The following LZTS1 variants were observed in gnomAD, a reference collection of about 807,000 sequenced individuals.
LZTS1 encodes the protein leucine zipper tumor suppressor 1, also known as leucine zipper putative tumor suppressor 1.
A neutral mutation model predicts 45.8 loss-of-function variants in LZTS1; 31 were observed. That is an observed-to-expected ratio of 0.68 (90% CI 0.51 to 0.91). The LOEUF (loss-of-function observed/expected upper bound fraction) is 0.91, where lower values mean the gene tolerates loss of function less well. LZTS1 is among the 40% of genes least tolerant of loss of function. The pLI is 0.00. For missense variants in LZTS1, 821 were observed against 788.9 expected, an observed-to-expected ratio of 1.04 and a Z score of -0.49; for synonymous variants, 359 against 357.3, an observed-to-expected ratio of 1.00 and a Z score of -0.05.
At chr8:20,256,800 G>A (rs1800113991) in intron 1 of LZTS1, among the ~76,000 whole-genome samples, 1 of 152,136 alleles carries the variant, frequency 6.6e-6, no homozygotes, top group Non-Finnish European at 1.5e-5. Flanking sequence ...AGGCAGGAGG[G>A]TGAGTGGGCA....
At chr8:20,300,200 C>A (rs1321434616) in intron 1 of LZTS1, among the ~76,000 whole-genome samples, 1 of 152,170 alleles carries the variant, frequency 6.6e-6, no homozygotes, top group Non-Finnish European at 1.5e-5. Context: ...CAAAGGGCAC[C>A]CATGCAGAAA....
intron 2 of LZTS1, 75 bp downstream of exon 2, chr8:20,254,762 C>T: frequency 7.8e-7 from 1 of 1,282,294 alleles, no homozygotes; most frequent in Non-Finnish European, 1.1e-6. Flanking sequence ...CCCCTGAACC[C>T]CCAGGCTCTC....
chr8:20,267,306 G>T (rs76206223), intron 1 of LZTS1, among the ~76,000 whole-genome samples: 1 of 151,928 alleles, frequency 6.6e-6, no homozygotes, highest in East Asian at 1.9e-4. Context: ...TCTCCATGTT[G>T]GGGGCTGGAT....
chr8:20,285,735 C>A (rs1800782153), intron 1 of LZTS1, among the ~76,000 whole-genome samples: 1 of 152,140 alleles, frequency 6.6e-6, no homozygotes, highest in African/African-American at 2.4e-5. Context: ...ATAACCAAGA[C>A]CATTTGGTGA....
In LZTS1 at chr8:20,255,213, G is replaced by C; in HGVS notation, c.-32C>G. Reference sequence around the variant, plus strand: ...TCGGGGCTGAGGATGGGGCAGGGCCGGGCAGGGTCTTGGAAAGGCTGTGGC... The same window carrying C: ...TCGGGGCTGAGGATGGGGCAGGGCCCGGCAGGGTCTTGGAAAGGCTGTGGC... On this transcript the variant is annotated 5_prime_UTR_variant, in exon 2 of 4. Coordinates refer to ENST00000381569, the MANE Select transcript of LZTS1 (RefSeq NM_021020.5). The C allele has an allele frequency of 6.3e-7, 1 of 1,586,454 alleles. No individual in the cohort carries two copies. The highest frequency in any genetic ancestry group is 8.6e-7 in the Non-Finnish European group (1 of 1,167,554).
intron 1 of LZTS1, among the ~76,000 whole-genome samples, chr8:20,291,196 C>T (rs76392058): frequency 0.024 from 3,690 of 152,308 alleles, 98 homozygotes; most frequent in East Asian, 0.11. Flanking sequence ...ATCAAGGTAC[C>T]AACGACTCCT....
chr8:20,303,535 G>A (rs1253475701), intron 1 of LZTS1, among the ~76,000 whole-genome samples: 1 of 151,422 alleles, frequency 6.6e-6, no homozygotes, highest in African/African-American at 2.4e-5. Flanking sequence ...CCGGGCCGGA[G>A]AAGCGGCGCC....
chr8:20,274,771 A>C (rs1032016013), intron 1 of LZTS1, among the ~76,000 whole-genome samples: 3 of 152,232 alleles, frequency 2.0e-5, no homozygotes, highest in Non-Finnish European at 4.4e-5. Flanking sequence ...GTGGGATGTC[A>C]GTGCTAAATC....
In LZTS1 at chr8:20,292,088, C is replaced by T. The variant is rs941847280; in HGVS notation, c.-135+11652G>A. Among the ~76,000 whole-genome samples the T allele has an allele frequency of 2.0e-5, 3 of 152,326 alleles. No homozygotes were observed. In the East Asian group the frequency reaches 5.8e-4, roughly 29 times the overall value. ...CATGGGACACTGCTACAGCTTTGTC[C>T]CCTCCCTTGGCTTGCCAGGTTTTTA... On this transcript the variant is annotated intron_variant, in intron 1 of 3. Transcript: ENST00000381569.
At chr8:20,266,412 G>C (rs1469183857) in intron 1 of LZTS1, among the ~76,000 whole-genome samples, 1 of 152,128 alleles carries the variant, frequency 6.6e-6, no homozygotes, top group Admixed American at 6.5e-5. Flanking sequence ...TGAGGCTCTG[G>C]GAAGGCATGT....
At chr8:20,252,569 G>A (rs939161315) in intron 3 of LZTS1, among the ~76,000 whole-genome samples, 1 of 152,222 alleles carries the variant, frequency 6.6e-6, no homozygotes, top group Non-Finnish European at 1.5e-5. Context: ...GGAGCCATGA[G>A]GGTGATGGTG....
chr8:20,303,724 G>C lies in LZTS1; in HGVS notation c.-135+16C>G, dbSNP rs1361304898. On this transcript the variant is annotated intron_variant, in intron 1 of 3. Coordinates refer to ENST00000381569, the MANE Select transcript of LZTS1 (RefSeq NM_021020.5). Reference sequence around the variant, plus strand: ...ACCCTCCAGGGGCGAGGAGATCCCCGGCCACCGCACCTTACCTGCCCCCTG... The same window carrying C: ...ACCCTCCAGGGGCGAGGAGATCCCCCGCCACCGCACCTTACCTGCCCCCTG... 6 of 985,328 alleles carry C rather than the reference G, an allele frequency of 6.1e-6. No individual in the cohort carries two copies. The highest frequency in any genetic ancestry group is 7.2e-6 in the Non-Finnish European group (6 of 830,034). The allele number at this position is 985,328 out of a possible 1,614,324, so 61.0% of individuals were successfully genotyped here.
At chr8:20,303,444 G>C (rs1269010021) in intron 1 of LZTS1, among the ~76,000 whole-genome samples, 1 of 152,172 alleles carries the variant, frequency 6.6e-6, no homozygotes, top group Non-Finnish European at 1.5e-5. Context: ...ATCAGCATCG[G>C]TGCTGGGAAT....
At chr8:20,257,855 G>A (rs1800142478) in intron 1 of LZTS1, among the ~76,000 whole-genome samples, 1 of 152,020 alleles carries the variant, frequency 6.6e-6, no homozygotes, top group South Asian at 2.1e-4. Context: ...TGTATTTTTA[G>A]TAGAGATGGG....
At chr8:20,256,060 C>CAAAAAA (rs386412254) in intron 1 of LZTS1, among the ~76,000 whole-genome samples, 37 of 56,396 alleles carry the variant, frequency 6.6e-4, no homozygotes, top group East Asian at 1.2e-3. Context: ...GGGCCTGACT[C>CAAAAAA]AAAAAAAAAA....
Position 20,259,565 on chromosome 8 carries a change from T to A in LZTS1, c.-134-4250A>T, listed in dbSNP as rs561825092. Among the ~76,000 whole-genome samples the A allele has an allele frequency of 2.0e-5, 3 of 152,150 alleles. No individual in the cohort carries two copies. In the South Asian group the frequency reaches 6.2e-4, roughly 32 times the overall value. ...GAACCCTTCCAGTCTTCCCACTGTGTTAGAGTACAATGCGGACTCCTCACC... is the reference window on the plus strand; with the variant it reads ...GAACCCTTCCAGTCTTCCCACTGTGATAGAGTACAATGCGGACTCCTCACC... On this transcript the variant is annotated intron_variant, in intron 1 of 3. Transcript: ENST00000381569.
intron 1 of LZTS1, chr8:20,276,051 C>T (rs1374130886): frequency 6.6e-6 from 1 of 152,022 alleles, no homozygotes; most frequent in Non-Finnish European, 1.5e-5. Flanking sequence ...CCTACTCCCC[C>T]ATTATAACTA....
chr8:20,284,395 G>T (rs1452337082), intron 1 of LZTS1, among the ~76,000 whole-genome samples: 5 of 152,200 alleles, frequency 3.3e-5, no homozygotes, highest in Non-Finnish European at 7.3e-5. Context: ...CCCTTCTGAA[G>T]ATAACCAGGT....
intron 1 of LZTS1, among the ~76,000 whole-genome samples, chr8:20,288,152 T>G (rs1800826546): frequency 1.3e-5 from 2 of 152,122 alleles, no homozygotes; most frequent in Non-Finnish European, 2.9e-5. Flanking sequence ...TTCCTGGTGT[T>G]GTCAGCTCAG....
Sources: allele counts gnomAD v4.1 joint callset (sites outside exome capture counted in the v4.1 genomes callset), GRCh38; gene constraint gnomAD v4.1.1; transcripts MANE v1.5; gene names NCBI Gene and HGNC (gene_info 2026-07-23, HGNC 2026-07-21).